R3HDM2: variants seen among roughly 807,000 people sequenced by gnomAD.
R3HDM2 encodes R3H domain containing 2.
In R3HDM2, 38 loss-of-function variants were observed where a neutral mutation model predicts 124.5. The observed-to-expected ratio is 0.31, with a 90% CI of 0.24 to 0.40. The LOEUF (loss-of-function observed/expected upper bound fraction) is 0.40, where lower values mean the gene tolerates loss of function less well. Among genes scored for constraint, R3HDM2 ranks in the 10% least tolerant of loss-of-function variants. R3HDM2 has a pLI of 1.00. For missense variants in R3HDM2, 869 were observed against 1,236.9 expected, an observed-to-expected ratio of 0.70 and a Z score of 4.46; for synonymous variants, 391 against 448.0, an observed-to-expected ratio of 0.87 and a Z score of 1.61.
chr12:57,263,251 T>C (rs2137160907), intron 19 of R3HDM2, among the ~76,000 whole-genome samples: 1 of 152,334 alleles, frequency 6.6e-6, no homozygotes, highest in East Asian at 1.9e-4. Context: ...TATACCTACA[T>C]GTACATGCAG....
intron 2 of R3HDM2, among the ~76,000 whole-genome samples, chr12:57,386,864 A>T (rs1049885475): frequency 2.0e-4 from 31 of 152,292 alleles, no homozygotes; most frequent in African/African-American, 7.2e-4. Context: ...AGGGTTTGTG[A>T]ATGCACCAAT....
intron 3 of R3HDM2, 115 bp downstream of exon 3, chr12:57,310,149 G>T: frequency 1.5e-6 from 1 of 651,270 alleles, no homozygotes; most frequent in Non-Finnish European, 2.5e-6. Flanking sequence ...GTTTGAGGGT[G>T]CAGTGGGCCC....
intron 1 of R3HDM2, among the ~76,000 whole-genome samples, chr12:57,426,463 T>C (rs2139687971): frequency 6.6e-6 from 1 of 152,226 alleles, no homozygotes; most frequent in Admixed American, 6.5e-5. Context: ...CATGAATTGG[T>C]GGGGTTGAGG....
intron 7 of R3HDM2, 57 bp downstream of exon 7, chr12:57,298,031 CCT>C: frequency 7.9e-7 from 1 of 1,261,386 alleles, no homozygotes; most frequent in South Asian, 1.3e-5. Context: ...AGCCGTTTGG[CCT>C]CTTGGAATCT....
In R3HDM2 at chr12:57,371,083, CTTTTTT is replaced by C. The variant is rs775839017; in HGVS notation, c.-36+24660_-36+24665del. 6.8e-4 allele frequency among the ~76,000 whole-genome samples: 28 copies of C among 40,898 alleles called. 1 individual carries two copies. The highest frequency in any genetic ancestry group is 3.3e-3 in the South Asian group (2 of 606). 26.8% of individuals were successfully genotyped at this position (40,898 alleles called of 152,430 possible). On this transcript the variant is annotated intron_variant, in intron 2 of 23. Transcript: ENST00000402412. ...AATGGGAACCAAATATATACCATTA[CTTTTTT>C]TTTTTTTTTTTTTTTTTTTTTTTTA... is the stretch of plus-strand genomic sequence containing the variant.
chr12:57,254,162 G>C lies in R3HDM2; in HGVS notation c.*611C>G. 1 of 456,160 alleles carries C rather than the reference G, an allele frequency of 2.2e-6. No individual in the cohort carries two copies. The highest frequency in any genetic ancestry group is 4.4e-6 in the Non-Finnish European group (1 of 226,742). The allele number at this position is 456,160 out of a possible 1,614,324, so 28.3% of individuals were successfully genotyped here. ...TCCCAATTCTACCTGACCAAAAAAT[G>C]AGAAATTAATTTTATGATAGGAGAA... On this transcript the variant is annotated 3_prime_UTR_variant, in exon 24 of 24. Coordinates refer to ENST00000402412, the MANE Select transcript of R3HDM2 (RefSeq NM_001394031.1).
chr12:57,374,881 A>T (rs1002498699), intron 2 of R3HDM2, among the ~76,000 whole-genome samples: 4 of 150,570 alleles, frequency 2.7e-5, no homozygotes, highest in Admixed American at 1.3e-4. Context: ...CTGTAGTCCC[A>T]GCTACTCTGG....
intron 2 of R3HDM2, among the ~76,000 whole-genome samples, chr12:57,334,657 A>G (rs2058629646): frequency 6.6e-6 from 1 of 152,164 alleles, no homozygotes; most frequent in South Asian, 2.1e-4. Flanking sequence ...AAAACCCTGG[A>G]GATTTTTCCT....
chr12:57,377,572 G>A (rs992180549), intron 2 of R3HDM2, among the ~76,000 whole-genome samples: 2 of 152,066 alleles, frequency 1.3e-5, no homozygotes, highest in Non-Finnish European at 2.9e-5. Flanking sequence ...CCAGGAGACA[G>A]ATTTGAGCTT....
chr12:57,260,263 CAAAAAAAA>C (rs566868060), intron 19 of R3HDM2, among the ~76,000 whole-genome samples: 2 of 31,562 alleles, frequency 6.3e-5, no homozygotes, highest in Non-Finnish European at 1.1e-4. Context: ...GACCCTGCCT[CAAAAAAAA>C]AAAAAAAAAA....
intron 2 of R3HDM2, among the ~76,000 whole-genome samples, chr12:57,331,017 A>G (rs1021660730): frequency 6.6e-6 from 1 of 152,066 alleles, no homozygotes; most frequent in African/African-American, 2.4e-5. Flanking sequence ...AGGGTTTTCT[A>G]TATCTAAGAT....
At chr12:57,344,033 C>T (rs1178366976) in intron 2 of R3HDM2, among the ~76,000 whole-genome samples, 2 of 152,096 alleles carry the variant, frequency 1.3e-5, no homozygotes, top group Admixed American at 6.6e-5. Context: ...CAACAATCAC[C>T]TAGATACATA....
intron 2 of R3HDM2, among the ~76,000 whole-genome samples, chr12:57,375,918 C>T (rs567240938): frequency 6.6e-6 from 1 of 152,080 alleles, no homozygotes; most frequent in Non-Finnish European, 1.5e-5. Context: ...GTGATCCACC[C>T]ACCTCGGCCT....
At position 57,280,407 on chromosome 12, in the gene R3HDM2, G is replaced by A; in HGVS notation, c.1295C>T (p.Pro432Leu). Residue 432 changes from proline to leucine, a missense_variant, in exon 14 of 24, where the codon CCA becomes CTA. Coordinates refer to ENST00000402412, the MANE Select transcript of R3HDM2 (RefSeq NM_001394031.1). ...QQQQQQLPAL[P>L]PTPQQQPPLN... ...GGGTGGCTGTTGCTGAGGCGTGGGT[G>A]GGAGAGCAGGAAGTTGCTGCTGCTG... 2 of 1,614,118 alleles carry A rather than the reference G, an allele frequency of 1.2e-6. No individual in the cohort carries two copies. The highest frequency in any genetic ancestry group is 8.5e-7 in the Non-Finnish European group (1 of 1,179,978).
chr12:57,280,419 AGTTGCTGCTGCTGCTGCTGCT>A lies in R3HDM2; in HGVS notation c.1262_1282del (p.Gln421_Gln427del). On this transcript the variant is annotated inframe_deletion, in exon 14 of 24. Transcript: ENST00000402412. ...CTGAGGCGTGGGTGGGAGAGCAGGA[AGTTGCTGCTGCTGCTGCTGCT>A]GTTGCTGCTGGGCAGTACAAGGGAG... The A allele has an allele frequency of 6.2e-7, 1 of 1,614,126 alleles. No homozygotes were observed. Among genetic ancestry groups the A allele is most frequent in the Non-Finnish European group, 8.5e-7 (1 of 1,179,994 alleles).
chr12:57,259,164 G>C, intron 19 of R3HDM2, 105 bp from the exon 20 acceptor site: 1 of 1,233,234 alleles, frequency 8.1e-7, no homozygotes, highest in South Asian at 1.4e-5. Context: ...CATTGCCTCA[G>C]GGTCACTCAA....
At chr12:57,402,565 G>A (rs1198389574) in intron 1 of R3HDM2, among the ~76,000 whole-genome samples, 1 of 151,704 alleles carries the variant, frequency 6.6e-6, no homozygotes, top group African/African-American at 2.4e-5. Context: ...TCAAACTCCT[G>A]GCCTCCCAGC....
intron 2 of R3HDM2, among the ~76,000 whole-genome samples, chr12:57,318,603 G>C (rs938630407): frequency 3.3e-5 from 5 of 150,610 alleles, no homozygotes; most frequent in Admixed American, 3.3e-4. Context: ...AGCTGAGATC[G>C]TGCCACCGCA....
At chr12:57,288,432 T>C (rs1460644368) in intron 12 of R3HDM2, among the ~76,000 whole-genome samples, 1 of 152,048 alleles carries the variant, frequency 6.6e-6, no homozygotes, top group African/African-American at 2.4e-5. Context: ...CTTAAAGATA[T>C]CTTTAAGAAA....
Sources: allele counts gnomAD v4.1 joint callset (sites outside exome capture counted in the v4.1 genomes callset), GRCh38; gene constraint gnomAD v4.1.1; transcripts MANE v1.5; gene names NCBI Gene and HGNC (gene_info 2026-07-23, HGNC 2026-07-21).